The following SLC8B1 variants were observed in gnomAD, a reference collection of about 807,000 sequenced individuals.
The protein encoded by SLC8B1 is mitochondrial sodium/calcium exchanger protein.
Under a neutral mutation model 63.4 loss-of-function variants are expected in SLC8B1, and 52 were observed. The ratio of observed to expected loss-of-function variants is 0.82; its 90% CI spans 0.66 to 1.03. The LOEUF (loss-of-function observed/expected upper bound fraction) is 1.03, where lower values mean the gene tolerates loss of function less well. SLC8B1 is among the 50% of genes least tolerant of loss of function. The pLI is 0.00. For missense variants in SLC8B1, 657 were observed against 741.7 expected, an observed-to-expected ratio of 0.89 and a Z score of 1.33; for synonymous variants, 336 against 323.9, an observed-to-expected ratio of 1.04 and a Z score of -0.40.
chr12:113,310,338 CTA>C lies in SLC8B1; in HGVS notation c.1151_1152del (p.Ile384ArgfsTer27). On this transcript the variant is annotated frameshift_variant, in exon 12 of 16. Transcript: ENST00000680972. LOFTEE classifies it high-confidence loss of function. Reference sequence around the variant, plus strand: ...ACGACCCAGACGGGAACGAGGCCGCCTATCTCATAGACACCATCTGCAAAGGG... The same window carrying C: ...ACGACCCAGACGGGAACGAGGCCGCCTCTCATAGACACCATCTGCAAAGGG... Reference protein sequence around the residue: ...LQSGTYGVYEIGGLVPVWVVV... With the variant: ...LQSGTYGVYEXGGLVPVWVVV... The C allele has an allele frequency of 1.2e-6, 2 of 1,613,912 alleles. No individual in the cohort carries two copies. Among genetic ancestry groups the C allele is most frequent in the South Asian group, 2.2e-5 (2 of 91,052 alleles).
At position 113,332,919 on chromosome 12, in the gene SLC8B1, T is replaced by C. The variant is rs747955304; in HGVS notation, c.-41A>G. ...CTGGCCCTTACTCTCCACTTCCCTT[T>C]CTGCAGTAGCTCAGTTCCAAACAGC... On this transcript the variant is annotated 5_prime_UTR_variant, in exon 2 of 16. Coordinates refer to ENST00000680972, the MANE Select transcript of SLC8B1 (RefSeq NM_001358345.2). The C allele has an allele frequency of 5.6e-6, 9 of 1,604,890 alleles. No individual in the cohort carries two copies. The highest frequency in any genetic ancestry group is 3.4e-4 in the Middle Eastern group (2 of 5,968).
At chr12:113,309,143 C>A (rs1286672176) in intron 12 of SLC8B1, among the ~76,000 whole-genome samples, 1 of 152,084 alleles carries the variant, frequency 6.6e-6, no homozygotes, top group Non-Finnish European at 1.5e-5. Flanking sequence ...GCGTGAGCCA[C>A]CACGCCCAGC....
intron 8 of SLC8B1, among the ~76,000 whole-genome samples, chr12:113,317,647 G>A (rs1201029503): frequency 2.0e-5 from 3 of 152,196 alleles, no homozygotes; most frequent in African/African-American, 7.2e-5. Context: ...CTGTATGGAG[G>A]GGCCTGAAAG....
chr12:113,320,927 G>T lies in SLC8B1; in HGVS notation c.363-20C>A. The T allele has an allele frequency of 6.2e-7, 1 of 1,601,670 alleles. No homozygotes were observed. ...CAGAAACTACGGAGAAAAAGCGGAC[G>T]GGAAGCATTTCCGTAGTAACCGGCC... On this transcript the variant is annotated intron_variant, in intron 4 of 15. Coordinates refer to ENST00000680972, the MANE Select transcript of SLC8B1 (RefSeq NM_001358345.2). The surrounding 1 kb of genome is among the most constrained non-coding windows in gnomAD (Gnocchi z 5.3).
intron 10 of SLC8B1, among the ~76,000 whole-genome samples, chr12:113,316,073 A>T (rs937319858): frequency 1.3e-5 from 2 of 152,018 alleles, no homozygotes; most frequent in Non-Finnish European, 2.9e-5. Flanking sequence ...AAATACAAAA[A>T]ATTAGCCAGG....
In SLC8B1 at chr12:113,321,334, A is replaced by G; in HGVS notation, c.171T>C (p.Cys57=). 6.2e-7 allele frequency: 1 copy of G among 1,614,148 alleles called. No individual in the cohort carries two copies. The highest frequency in any genetic ancestry group is 8.5e-7 in the Non-Finnish European group (1 of 1,180,020). The change falls in exon 3 of 16, where the codon TGT becomes TGC. Residue 57 remains cysteine (C), a synonymous_variant. Coordinates refer to ENST00000680972, the MANE Select transcript of SLC8B1 (RefSeq NM_001358345.2). ...QTPVVDCRKV[C]GLNVSDRCDF... ...CACAGCGGTCAGAGACATTCAGGCC[A>G]CACACCTTGCGGCACTGCAGGAAGA...
chr12:113,307,938 C>G, intron 12 of SLC8B1, 94 bp from the exon 13 acceptor site: 5 of 1,444,824 alleles, frequency 3.5e-6, no homozygotes, highest in Non-Finnish European at 4.7e-6. Context: ...ATAACAGTAT[C>G]TACCTCATGA....
intron 15 of SLC8B1, 71 bp from the exon 16 acceptor site, chr12:113,300,045 C>G: frequency 1.2e-5 from 17 of 1,387,940 alleles, no homozygotes; most frequent in Non-Finnish European, 1.6e-5. Context: ...GTGGCCAACA[C>G]AACAATGCAG....
chr12:113,307,971 G>A lies in SLC8B1; in HGVS notation c.1258-127C>T, dbSNP rs1479930465. 6 of 1,094,496 alleles carry A rather than the reference G, an allele frequency of 5.5e-6. No individual in the cohort carries two copies. The Admixed American group carries it at 8.5e-5, about 15-fold the overall frequency. The allele number at this position is 1,094,496 out of a possible 1,614,324, so 67.8% of individuals were successfully genotyped here. On this transcript the variant is annotated intron_variant, in intron 12 of 15. Coordinates refer to ENST00000680972, the MANE Select transcript of SLC8B1 (RefSeq NM_001358345.2). ...TGAGCTTATTATGAGTATAAAACAC[G>A]TTACTATATGCATTGGTGCCTGTGC... is the stretch of plus-strand genomic sequence containing the variant.
At chr12:113,316,382 T>C in intron 10 of SLC8B1, 144 bp downstream of exon 10, 1 of 1,135,592 alleles carries the variant, frequency 8.8e-7, no homozygotes, top group South Asian at 1.6e-5. Flanking sequence ...CACGCCTCAG[T>C]TTCCCCATCA....
intron 11 of SLC8B1, 91 bp downstream of exon 11, chr12:113,315,244 C>A (rs774422914): frequency 1.7e-5 from 23 of 1,327,668 alleles, no homozygotes; most frequent in Non-Finnish European, 2.3e-5. Flanking sequence ...GAGCTGAGAT[C>A]GTGCCACTGT....
rs1956912688 is a variant in SLC8B1, at chr12:113,320,652, G to A, written c.455C>T (p.Pro152Leu). 6.2e-7 allele frequency: 1 copy of A among 1,613,952 alleles called. No homozygotes were observed. Among genetic ancestry groups the A allele is most frequent in the Non-Finnish European group, 8.5e-7 (1 of 1,180,022 alleles). ...VTFLAFGNGAPDIFSALVAFS... is the reference protein window; with the variant it reads ...VTFLAFGNGALDIFSALVAFS... ...GGCCACCAGGGCACTGAAGATGTCA[G>A]GTGCACCATTCCCAAATGCCAGGAA... The change falls in exon 6 of 16, where the codon CCT becomes CTT. Residue 152 changes from proline (P) to leucine (L), a missense_variant. Physicochemically the swap from Pro to Leu is moderately conservative, Grantham distance 98 (BLOSUM62 -3). Coordinates refer to ENST00000680972, the MANE Select transcript of SLC8B1 (RefSeq NM_001358345.2). This position sits in a 1 kb window ranked among gnomAD's most constrained non-coding sequence, Gnocchi z 5.3.
At chr12:113,325,731 A>AT (rs1431117977) in intron 2 of SLC8B1, among the ~76,000 whole-genome samples, 7 of 148,638 alleles carry the variant, frequency 4.7e-5, no homozygotes, top group African/African-American at 1.3e-4. Context: ...CGCCCAGCTA[A>AT]TTTTTTGTAT....
chr12:113,299,532 T>C lies in SLC8B1; in HGVS notation c.*245A>G. 2.0e-6 allele frequency: 1 copy of C among 510,194 alleles called. No homozygotes were observed. 31.6% of individuals were successfully genotyped at this position (510,194 alleles called of 1,614,324 possible). On this transcript the variant is annotated 3_prime_UTR_variant, in exon 16 of 16. Coordinates refer to ENST00000680972, the MANE Select transcript of SLC8B1 (RefSeq NM_001358345.2). The stretch of plus-strand genomic sequence containing the variant: ...TCAAGGGGGACTTCTAGCTTCTCTC[T>C]GGAACCCTTTGTCCAGAGCAAAGCC...
rs368318714 is a variant in SLC8B1, at chr12:113,321,269, C to T, written c.236G>A (p.Gly79Glu). The T allele has an allele frequency of 3.7e-6, 6 of 1,613,998 alleles. No individual in the cohort carries two copies. The African/African-American group carries it at 8.0e-5, about 22-fold the overall frequency. Residue 79 changes from glycine to glutamate, a missense_variant, in exon 3 of 16, where the codon GGG becomes GAG. By Grantham distance (98) the Gly-to-Glu change is moderately conservative. Transcript: ENST00000680972. ...RTNPDCHSDGGYLDYLEGIFC... is the reference protein window; with the variant it reads ...RTNPDCHSDGEYLDYLEGIFC... ...GATGCCTTCCAGGTAGTCCAGGTAC[C>T]CCCCATCACTGTGGCAGTCAGGGTT...
At position 113,320,916 on chromosome 12, in the gene SLC8B1, A is replaced by G. The variant is rs373928602; in HGVS notation, c.363-9T>C. 1 of 1,603,700 alleles carries G rather than the reference A, an allele frequency of 6.2e-7. No homozygotes were observed. The highest frequency in any genetic ancestry group is 8.5e-7 in the Non-Finnish European group (1 of 1,176,240). On this transcript the variant is annotated splice_polypyrimidine_tract_variant and intron_variant, in intron 4 of 15. Coordinates refer to ENST00000680972, the MANE Select transcript of SLC8B1 (RefSeq NM_001358345.2). This position sits in a 1 kb window ranked among gnomAD's most constrained non-coding sequence, Gnocchi z 5.3. ...ACAAGTTGGGGCAGAAACTACGGAGAAAAAGCGGACGGGAAGCATTTCCGT... is the reference window on the plus strand; with the variant it reads ...ACAAGTTGGGGCAGAAACTACGGAGGAAAAGCGGACGGGAAGCATTTCCGT...
At chr12:113,332,532 A>G (rs983874358) in intron 2 of SLC8B1, among the ~76,000 whole-genome samples, 191 bp downstream of exon 2, 3 of 152,252 alleles carry the variant, frequency 2.0e-5, no homozygotes, top group Non-Finnish European at 2.9e-5. Context: ...CCCAAAGTGT[A>G]TAAGTTTACT....
chr12:113,318,425 TTG>T lies in SLC8B1; in HGVS notation c.802+537_802+538del, dbSNP rs374413761. ...GTGTGTGCATATATTTGTATGTGTG[TTG>T]TGTGTATACACGTATGTGTATGTGT... On this transcript the variant is annotated intron_variant, in intron 8 of 15. Coordinates refer to ENST00000680972, the MANE Select transcript of SLC8B1 (RefSeq NM_001358345.2). 5.2e-3 allele frequency among the ~76,000 whole-genome samples: 791 copies of T among 151,894 alleles called. 9 individuals are homozygous for T. Among genetic ancestry groups the T allele is most frequent in the Middle Eastern group, 0.037 (11 of 294 alleles).
rs919751028 is a variant in SLC8B1, at chr12:113,305,971, A to G, written c.1492+524T>C. On this transcript the variant is annotated intron_variant, in intron 14 of 15. Transcript: ENST00000680972. This position sits in a 1 kb window ranked among gnomAD's most constrained non-coding sequence, Gnocchi z 4.3. ...CTACTCAGAAGACTGAGGCAGGAGA[A>G]TTGCTTGAACCCGGAAGGCAGAAAT... Among the ~76,000 whole-genome samples, 2 of 144,280 alleles carry G rather than the reference A, an allele frequency of 1.4e-5. No individual in the cohort carries two copies. Among genetic ancestry groups the G allele is most frequent in the African/African-American group, 5.1e-5 (2 of 38,912 alleles). The allele number at this position is 144,280 out of a possible 152,430, so 94.7% of individuals were successfully genotyped here.
Sources: allele counts gnomAD v4.1 joint callset (sites outside exome capture counted in the v4.1 genomes callset), GRCh38; gene constraint gnomAD v4.1.1; non-coding constraint Gnocchi (gnomAD v3.1); transcripts MANE v1.5; gene names NCBI Gene and HGNC (gene_info 2026-07-23, HGNC 2026-07-21).